Variants in PPHLN1 observed in about 807,000 individuals in gnomAD.
PPHLN1 encodes periphilin 1.
Under a neutral mutation model 51.3 loss-of-function variants are expected in PPHLN1, and 29 were observed. That is an observed-to-expected ratio of 0.57 (90% confidence interval 0.42 to 0.77). The LOEUF (loss-of-function observed/expected upper bound fraction) is 0.77. Among genes scored for constraint, PPHLN1 ranks in the 30% least tolerant of loss-of-function variants. The probability of loss-of-function intolerance (pLI) is 0.00; values close to 1 mark genes in which losing one functional copy is unlikely to be tolerated. For synonymous variants in PPHLN1, 147 were observed against 147.8 expected, an observed-to-expected ratio of 0.99 and a Z score of 0.04; for missense variants, 436 against 438.4, an observed-to-expected ratio of 0.99 and a Z score of 0.05.
chr12:42,397,926 G>A (rs928189668), intron 8 of PPHLN1, among the ~76,000 whole-genome samples: 1 of 150,936 alleles, frequency 6.6e-6, no homozygotes, highest in Non-Finnish European at 1.5e-5. Context: ...TTTTCACCAT[G>A]TTGGCCAGTA....
chr12:42,430,277 TCA>T (rs141544668), intron 9 of PPHLN1, among the ~76,000 whole-genome samples: 79 of 148,334 alleles, frequency 5.3e-4, no homozygotes, highest in African/African-American at 8.1e-4. Context: ...ACCCCTACAG[TCA>T]CACACACACA....
intron 2 of PPHLN1, among the ~76,000 whole-genome samples, chr12:42,348,644 T>TA (rs1565781175): frequency 6.6e-6 from 1 of 152,194 alleles, no homozygotes; most frequent in African/African-American, 2.4e-5. Flanking sequence ...TAGGCATGCA[T>TA]AGTCACCCCA....
chr12:42,446,248 G>A (rs1414816833), downstream of PPHLN1: 1 of 1,611,196 alleles, frequency 6.2e-7, no homozygotes, highest in Non-Finnish European at 8.5e-7. Context: ...CAGAAAATTT[G>A]TTCCTTGCTA....
At position 42,430,921 on chromosome 12, in the gene PPHLN1, T is replaced by C. The variant is rs73273908; in HGVS notation, c.910-10394T>C. ...ATAAAAAAGATACTCTACTGAAGAC[T>C]AACATGTAGTTTATATAGAATAAGC... On this transcript the variant is annotated intron_variant, in intron 9 of 9. Coordinates refer to ENST00000358314, the MANE Select transcript of PPHLN1 (RefSeq NM_201439.2). 9.1e-3 allele frequency among the ~76,000 whole-genome samples: 1,386 copies of C among 152,374 alleles called. 22 individuals carry two copies. The highest frequency in any genetic ancestry group is 0.031 in the African/African-American group (1,290 of 41,578).
chr12:42,353,765 C>T (rs528796146), intron 3 of PPHLN1, among the ~76,000 whole-genome samples: 69 of 152,130 alleles, frequency 4.5e-4, no homozygotes, highest in African/African-American at 1.7e-3. Flanking sequence ...TATGAAAATC[C>T]TATGTGAGTT....
At chr12:42,426,964 T>C (rs1417549044) in intron 9 of PPHLN1, among the ~76,000 whole-genome samples, 1 of 152,214 alleles carries the variant, frequency 6.6e-6, no homozygotes, top group Non-Finnish European at 1.5e-5. Flanking sequence ...TCATTCCTGC[T>C]GACAAATTTC....
intron 5 of PPHLN1, among the ~76,000 whole-genome samples, chr12:42,383,259 G>A (rs1215298942): frequency 1.3e-5 from 2 of 152,202 alleles, no homozygotes; most frequent in Non-Finnish European, 2.9e-5. Flanking sequence ...TATCTGTGGA[G>A]TGTAGATTCT....
chr12:42,362,178 T>C (rs2074767534), intron 4 of PPHLN1, among the ~76,000 whole-genome samples: 1 of 152,198 alleles, frequency 6.6e-6, no homozygotes, highest in Admixed American at 6.5e-5. Flanking sequence ...TTATTGTTCA[T>C]TTGTATATCT....
In PPHLN1 at chr12:42,387,543, A is replaced by G. The variant is rs2077293109; in HGVS notation, c.648+8A>G. 5 of 1,608,884 alleles carry G rather than the reference A, an allele frequency of 3.1e-6. No homozygotes were observed. The highest frequency in any genetic ancestry group is 4.2e-6 in the Non-Finnish European group (5 of 1,178,596). ...GCAGTTTCTTCATCAAAGGTTTGTT[A>G]TATTTCTAAAATCAGTTTAAAGAAG... is the stretch of plus-strand genomic sequence containing the variant. On this transcript the variant is annotated splice_region_variant and intron_variant, in intron 7 of 9. Transcript: ENST00000358314.
At chr12:42,406,983 T>C (rs2079372504) in intron 9 of PPHLN1, among the ~76,000 whole-genome samples, 5 of 152,238 alleles carry the variant, frequency 3.3e-5, no homozygotes, top group African/African-American at 9.6e-5. Flanking sequence ...CTACTCTGCA[T>C]TGACCCCTGA....
At chr12:42,371,452 A>G (rs998651792) in intron 4 of PPHLN1, among the ~76,000 whole-genome samples, 1 of 152,184 alleles carries the variant, frequency 6.6e-6, no homozygotes, top group East Asian at 1.9e-4. Context: ...TCTCCTCGAG[A>G]CTTGCAGTGT....
chr12:42,425,549 G>A (rs1335830240), intron 9 of PPHLN1, among the ~76,000 whole-genome samples: 1 of 149,726 alleles, frequency 6.7e-6, no homozygotes, highest in East Asian at 2.0e-4. Context: ...ACCATGCTCA[G>A]TTAATTTTTG....
chr12:42,397,976 G>GT (rs367948299), intron 8 of PPHLN1, among the ~76,000 whole-genome samples: 11,761 of 141,562 alleles, frequency 0.083, 679 homozygotes, highest in East Asian at 0.21. Flanking sequence ...CCTGCCTCGG[G>GT]TTTTTTTTTT....
chr12:42,343,549 C>G (rs1272843179), intron 2 of PPHLN1, among the ~76,000 whole-genome samples: 1 of 152,124 alleles, frequency 6.6e-6, no homozygotes, highest in Non-Finnish European at 1.5e-5. Flanking sequence ...TTCCCGTTAA[C>G]TACTCAAGCA....
chr12:42,370,907 G>A (rs1168248693), intron 4 of PPHLN1, among the ~76,000 whole-genome samples: 4 of 152,034 alleles, frequency 2.6e-5, no homozygotes, highest in African/African-American at 9.7e-5. Flanking sequence ...CTGGATTCAA[G>A]CAATTCTCCT....
intron 2 of PPHLN1, among the ~76,000 whole-genome samples, chr12:42,345,939 TTTA>T (rs1287948391): frequency 2.6e-5 from 4 of 152,136 alleles, no homozygotes; most frequent in Non-Finnish European, 4.4e-5. Flanking sequence ...AACATTAAAT[TTTA>T]TTGTGTATAT....
At chr12:42,348,865 TGAAAGGTA>T (rs2072774874) in intron 2 of PPHLN1, among the ~76,000 whole-genome samples, 1 of 152,142 alleles carries the variant, frequency 6.6e-6, no homozygotes, top group Admixed American at 6.5e-5. Context: ...GAAATCTCTG[TGAAAGGTA>T]GTTTGTAGAA....
At chr12:42,393,785 A>G (rs1001759719) in intron 8 of PPHLN1, 96 bp downstream of exon 8, 15 of 1,211,732 alleles carry the variant, frequency 1.2e-5, no homozygotes, top group South Asian at 3.3e-5. Context: ...CTATACTTCA[A>G]AATATATCCT....
chr12:42,345,105 A>G (rs1337519630), intron 2 of PPHLN1, among the ~76,000 whole-genome samples: 1 of 152,152 alleles, frequency 6.6e-6, no homozygotes, highest in East Asian at 1.9e-4. Flanking sequence ...CCTGTAACCG[A>G]TAGGTATATT....
Sources: allele counts gnomAD v4.1 joint callset (sites outside exome capture counted in the v4.1 genomes callset), GRCh38; gene constraint gnomAD v4.1.1; transcripts MANE v1.5; gene names NCBI Gene and HGNC (gene_info 2026-07-23, HGNC 2026-07-21).